The following ITGA6 variants were observed in gnomAD, a reference collection of about 807,000 sequenced individuals.
ITGA6 encodes the protein integrin alpha-6.
A neutral mutation model predicts 133.6 loss-of-function variants in ITGA6; 63 were observed. The ratio of observed to expected loss-of-function variants is 0.47; its 90% CI spans 0.38 to 0.58. The LOEUF (loss-of-function observed/expected upper bound fraction) is 0.58, where lower values mean the gene tolerates loss of function less well. Ranked by LOEUF, ITGA6 falls within the 20% of genes least tolerant of loss-of-function variation. The pLI is 0.00. For synonymous variants in ITGA6, 434 were observed against 482.0 expected, an observed-to-expected ratio of 0.90 and a Z score of 1.30; for missense variants, 1,068 against 1,309.4, an observed-to-expected ratio of 0.82 and a Z score of 2.85.
rs761968489 is a variant in ITGA6, at chr2:172,497,962, T to C, written c.2989-13T>C. 2.5e-6 allele frequency: 4 copies of C among 1,613,818 alleles called. No individual in the cohort carries two copies. The highest frequency in any genetic ancestry group is 4.5e-5 in the East Asian group (2 of 44,862). On this transcript the variant is annotated splice_polypyrimidine_tract_variant and intron_variant, in intron 23 of 25. Coordinates refer to ENST00000684293, the MANE Select transcript of ITGA6 (RefSeq NM_000210.4). ...CTGTATGTAGTAATGCTGCTTTCTT[T>C]TCTGCCCTGTAGGTTCGAGTGACTG...
chr2:172,440,407 C>G (rs981826179), intron 1 of ITGA6, among the ~76,000 whole-genome samples: 3 of 152,090 alleles, frequency 2.0e-5, no homozygotes, highest in Admixed American at 2.0e-4. Context: ...GTAAAATATA[C>G]ATAACATAAA....
rs1214203331 is a variant in ITGA6, at chr2:172,465,871, T to A, written c.307+208T>A. 5.6e-6 allele frequency: 4 copies of A among 713,542 alleles called. No individual in the cohort carries two copies. The East Asian group carries it at 8.3e-5, about 15-fold the overall frequency. 44.2% of individuals were successfully genotyped at this position (713,542 alleles called of 1,614,324 possible). A position where few individuals can be genotyped will look rare whatever the true frequency, so the allele number is the denominator to read the frequency against. Reference sequence around the variant, plus strand: ...ATGCCGCGTGTTTTGCTGCTCCTCCTAACCGTGGTTTCTAAACCGATATGG... The same window carrying A: ...ATGCCGCGTGTTTTGCTGCTCCTCCAAACCGTGGTTTCTAAACCGATATGG... On this transcript the variant is annotated intron_variant, in intron 2 of 25. Coordinates refer to ENST00000684293, the MANE Select transcript of ITGA6 (RefSeq NM_000210.4).
At chr2:172,482,535 T>G (rs565006740) in intron 11 of ITGA6, among the ~76,000 whole-genome samples, 1 of 152,228 alleles carries the variant, frequency 6.6e-6, no homozygotes, top group African/African-American at 2.4e-5. Context: ...TAAGATGATG[T>G]GGACTGTCTG....
chr2:172,435,616 CTT>C (rs58005683), intron 1 of ITGA6, among the ~76,000 whole-genome samples: 71 of 82,254 alleles, frequency 8.6e-4, no homozygotes, highest in African/African-American at 3.4e-3. Flanking sequence ...AGTTTTGTTT[CTT>C]TTTTTTTTTT....
At chr2:172,474,806 G>T in intron 6 of ITGA6, 123 bp from the exon 7 acceptor site, 1 of 714,412 alleles carries the variant, frequency 1.4e-6, no homozygotes. Flanking sequence ...TGTTATAATT[G>T]AGTCATAAAT....
chr2:172,441,077 A>G (rs1391219283), intron 1 of ITGA6, among the ~76,000 whole-genome samples: 2 of 152,126 alleles, frequency 1.3e-5, no homozygotes, highest in African/African-American at 4.8e-5. Flanking sequence ...CTTTAGACCC[A>G]TGTTAATCTA....
intron 19 of ITGA6, among the ~76,000 whole-genome samples, 154 bp downstream of exon 19, chr2:172,488,382 C>G (rs573522711): frequency 5.9e-5 from 9 of 152,340 alleles, no homozygotes; most frequent in Non-Finnish European, 1.3e-4. Flanking sequence ...AAAGAACATA[C>G]TGGCTTATAG....
chr2:172,442,320 G>C (rs1684579325), intron 1 of ITGA6, among the ~76,000 whole-genome samples: 1 of 152,190 alleles, frequency 6.6e-6, no homozygotes. Flanking sequence ...CAGCATCCAG[G>C]ACTAAAGCAT....
intron 1 of ITGA6, among the ~76,000 whole-genome samples, chr2:172,449,892 G>T (rs975352012): frequency 1.7e-4 from 23 of 135,694 alleles, no homozygotes; most frequent in African/African-American, 6.2e-4. Flanking sequence ...CTGCACTCCA[G>T]CCTGGGCAAT....
chr2:172,486,799 A>G, intron 13 of ITGA6, among the ~76,000 whole-genome samples: 1 of 152,202 alleles, frequency 6.6e-6, no homozygotes, highest in East Asian at 1.9e-4. Flanking sequence ...ACACTCTTCT[A>G]TACCACACTG....
rs1157314474 is a variant in ITGA6 at position 172,474,983 on chromosome 2, TG to T, written c.1043del (p.Gly348GlufsTer8). On this transcript the variant is annotated frameshift_variant, in exon 7 of 26. Transcript: ENST00000684293. LOFTEE classifies it high-confidence loss of function. Reference sequence around the variant, plus strand: ...AGTATTTTGATAGAGATGGAGAAGTTGGAGGTGCAGTGTATGTCTACATGAA... The same window carrying T: ...AGTATTTTGATAGAGATGGAGAAGTTGAGGTGCAGTGTATGTCTACATGAA... ...PQYFDRDGEVGGAVYVYMNQQ... is the reference protein window; with the variant it reads ...PQYFDRDGEVXGAVYVYMNQQ... 1 of 1,588,334 alleles carries T rather than the reference TG, an allele frequency of 6.3e-7. No homozygotes were observed. Among genetic ancestry groups the T allele is most frequent in the Non-Finnish European group, 8.6e-7 (1 of 1,156,432 alleles).
At chr2:172,469,474 TTCG>T in intron 4 of ITGA6, 94 bp downstream of exon 4, 2 of 1,141,006 alleles carry the variant, frequency 1.8e-6, no homozygotes, top group South Asian at 2.7e-5. Context: ...TTAGAAGACA[TTCG>T]TATATTATAA....
At position 172,497,337 on chromosome 2, in the gene ITGA6, T is replaced by A. The variant is rs527756981; in HGVS notation, c.2989-638T>A. Among the ~76,000 whole-genome samples the A allele has an allele frequency of 1.3e-4, 20 of 151,918 alleles. No homozygotes were observed. In the East Asian group the frequency reaches 3.7e-3, roughly 28 times the overall value. ...CATAGACCCTGTCTCAACAAAAAAATTTTTAAAAAAATTAGCTGTGAGTGG... is the reference window on the plus strand; with the variant it reads ...CATAGACCCTGTCTCAACAAAAAAAATTTTAAAAAAATTAGCTGTGAGTGG... On this transcript the variant is annotated intron_variant, in intron 23 of 25. Transcript: ENST00000684293.
At chr2:172,492,385 T>C (rs1425225673) in intron 23 of ITGA6, among the ~76,000 whole-genome samples, 1 of 152,260 alleles carries the variant, frequency 6.6e-6, no homozygotes, top group African/African-American at 2.4e-5. Flanking sequence ...CCTTGAGCTA[T>C]TTGTAAAAAT....
intron 2 of ITGA6, 186 bp downstream of exon 2, chr2:172,465,849 C>G (rs1685646027): frequency 1.2e-6 from 1 of 865,144 alleles, no homozygotes; most frequent in Non-Finnish European, 1.8e-6. Flanking sequence ...TACTGGGATG[C>G]CGCGTGTTTT....
chr2:172,494,870 T>G (rs1021069970), intron 23 of ITGA6, among the ~76,000 whole-genome samples: 2 of 152,222 alleles, frequency 1.3e-5, no homozygotes, highest in Non-Finnish European at 2.9e-5. Flanking sequence ...GCTTCCTGGC[T>G]GTCAAAATTT....
chr2:172,489,705 AAACT>A (rs1224026801), intron 20 of ITGA6, 47 bp downstream of exon 20: 5 of 1,501,806 alleles, frequency 3.3e-6, no homozygotes, highest in Non-Finnish European at 4.6e-6. Context: ...CAAATTAGAG[AAACT>A]AACTTGTTAG....
intron 1 of ITGA6, among the ~76,000 whole-genome samples, chr2:172,446,668 G>A (rs1196724341): frequency 6.6e-6 from 1 of 152,188 alleles, no homozygotes; most frequent in Non-Finnish European, 1.5e-5. Context: ...CAACTGATAA[G>A]TCGGGTATCT....
chr2:172,460,602 G>T (rs904566915), intron 1 of ITGA6, among the ~76,000 whole-genome samples: 1 of 152,138 alleles, frequency 6.6e-6, no homozygotes, highest in Non-Finnish European at 1.5e-5. Flanking sequence ...AGGTTTGTCC[G>T]GAGTGTGGGG....
Sources: gnomAD v4.1 joint callset for allele counts (sites outside exome capture counted in the v4.1 genomes callset) on GRCh38, gnomAD v4.1.1 for gene constraint, MANE v1.5 for transcripts, NCBI Gene and HGNC (gene_info 2026-07-23, HGNC 2026-07-21) for gene names.